GRIK2: variants seen among roughly 807,000 people sequenced by gnomAD.
GRIK2 encodes the protein glutamate receptor ionotropic, kainate 2.
In GRIK2, 32 loss-of-function variants were observed where a neutral mutation model predicts 100.3. That is an observed-to-expected ratio of 0.32 (90% CI 0.24 to 0.43). GRIK2 has a LOEUF of 0.43. GRIK2 is among the 20% of genes least tolerant of loss of function. The probability of loss-of-function intolerance (pLI) is 1.00; values close to 1 mark genes in which losing one functional copy is unlikely to be tolerated. For synonymous variants in GRIK2, 417 were observed against 389.4 expected (o/e 1.07, Z -0.83); for missense variants, 843 against 1,114.9 (o/e 0.76, Z 3.47).
intron 2 of GRIK2, among the ~76,000 whole-genome samples, chr6:101,613,887 G>T (rs564570019): frequency 6.6e-6 from 1 of 151,780 alleles, no homozygotes; most frequent in Non-Finnish European, 1.5e-5. Flanking sequence ...TTCAAATTCT[G>T]GAAGATAATC....
rs181468221 is a variant in GRIK2 at position 101,495,937 on chromosome 6, C to A, written c.115+96545C>A. Reference sequence around the variant, plus strand: ...GGATGTGTGCTGGTATTTTACATATCTGAATTTTTCTTTTCTTTTTTATTT... The same window carrying A: ...GGATGTGTGCTGGTATTTTACATATATGAATTTTTCTTTTCTTTTTTATTT... On this transcript the variant is annotated intron_variant, in intron 2 of 16. Transcript: ENST00000369134. Among the ~76,000 whole-genome samples, 5 of 151,766 alleles carry A rather than the reference C, an allele frequency of 3.3e-5. No homozygotes were observed. The East Asian group carries it at 9.7e-4, about 29-fold the overall frequency.
chr6:101,417,701 C>A (rs1328678749), intron 2 of GRIK2, among the ~76,000 whole-genome samples: 3 of 152,104 alleles, frequency 2.0e-5, no homozygotes, highest in African/African-American at 7.2e-5. Flanking sequence ...GTTATGAGAA[C>A]CCAACCAGTT....
chr6:101,500,566 A>G (rs1277902882), intron 2 of GRIK2, among the ~76,000 whole-genome samples: 2 of 152,088 alleles, frequency 1.3e-5, no homozygotes, highest in African/African-American at 2.4e-5. Flanking sequence ...TCGGTCTCTA[A>G]TTATTAATAA....
intron 14 of GRIK2, among the ~76,000 whole-genome samples, chr6:101,945,068 C>G (rs1238841643): frequency 6.6e-6 from 1 of 152,006 alleles, no homozygotes; most frequent in Non-Finnish European, 1.5e-5. Flanking sequence ...CAAGTTTTAC[C>G]AACATGTTGT....
intron 7 of GRIK2, among the ~76,000 whole-genome samples, chr6:101,740,590 T>A (rs1181774284): frequency 6.6e-6 from 1 of 152,196 alleles, no homozygotes; most frequent in Admixed American, 6.5e-5. Flanking sequence ...CGTATTAGTC[T>A]GTTTTGTGTT....
intron 10 of GRIK2, among the ~76,000 whole-genome samples, chr6:101,847,274 G>C (rs184356981): frequency 1.1e-3 from 161 of 152,018 alleles, no homozygotes; most frequent in African/African-American, 3.8e-3. Context: ...CTCAAGGCCA[G>C]TTTCTATTAA....
chr6:101,686,142 C>T (rs781545120), intron 6 of GRIK2, 38 bp from the exon 7 acceptor site: 1 of 1,556,308 alleles, frequency 6.4e-7, no homozygotes, highest in Non-Finnish European at 8.8e-7. Context: ...TGAAGATACT[C>T]TGTCCATAAT....
chr6:101,778,725 T>C (rs1018989390), intron 7 of GRIK2, among the ~76,000 whole-genome samples: 3 of 152,204 alleles, frequency 2.0e-5, no homozygotes, highest in Non-Finnish European at 4.4e-5. Context: ...TCTGTATTTG[T>C]ACATAGTTTG....
intron 2 of GRIK2, among the ~76,000 whole-genome samples, chr6:101,485,358 T>C (rs1272637529): frequency 6.6e-6 from 1 of 152,178 alleles, no homozygotes; most frequent in Non-Finnish European, 1.5e-5. Flanking sequence ...TTCTTTTGCA[T>C]TGCATTATAA....
rs1339263868 is a variant in GRIK2 at position 101,605,539 on chromosome 6, A to G, written c.116-16410A>G. 2.6e-5 allele frequency among the ~76,000 whole-genome samples: 4 copies of G among 152,042 alleles called. No individual in the cohort carries two copies. The East Asian group carries it at 5.8e-4, about 22-fold the overall frequency. On this transcript the variant is annotated intron_variant, in intron 2 of 16. Transcript: ENST00000369134. Reference sequence around the variant, plus strand: ...GGTATTTAAAATAAAAAAAGCTTAAATGATTATATTTTAAATTGCTACATG... The same window carrying G: ...GGTATTTAAAATAAAAAAAGCTTAAGTGATTATATTTTAAATTGCTACATG...
intron 14 of GRIK2, among the ~76,000 whole-genome samples, chr6:101,955,939 G>A (rs144428573): frequency 7.0e-4 from 106 of 151,626 alleles, no homozygotes; most frequent in Non-Finnish European, 1.2e-3. Flanking sequence ...TGCTTTATTC[G>A]AGTGTACTTT....
intron 4 of GRIK2, among the ~76,000 whole-genome samples, chr6:101,637,833 A>T (rs1781096548): frequency 6.6e-6 from 1 of 152,032 alleles, no homozygotes; most frequent in Admixed American, 6.6e-5. Flanking sequence ...GCTCTCTCTT[A>T]CCAAGCATGC....
intron 2 of GRIK2, among the ~76,000 whole-genome samples, chr6:101,553,286 T>C (rs1174298274): frequency 1.3e-5 from 2 of 152,116 alleles, no homozygotes; most frequent in Non-Finnish European, 2.9e-5. Context: ...AATTAAAAGG[T>C]TAGGGTGTAT....
chr6:101,928,919 A>C (rs1466870514), intron 14 of GRIK2, among the ~76,000 whole-genome samples: 6 of 152,198 alleles, frequency 3.9e-5, no homozygotes, highest in Non-Finnish European at 8.8e-5. Flanking sequence ...TTTCTTTTTG[A>C]ATAAAACAAA....
chr6:101,928,426 A>T lies in GRIK2; in HGVS notation c.1879A>T (p.Met627Leu), dbSNP rs1287273904. Residue 627 changes from methionine (M) to leucine (L), a missense_variant, in exon 14 of 17, where the codon ATG becomes TTG. By Grantham distance (15) the Met-to-Leu change is conservative (BLOSUM62 2). Coordinates refer to ENST00000369134, the MANE Select transcript of GRIK2 (RefSeq NM_021956.5). ...GALMQQGSELMPKALSTRIVG... is the reference protein window; with the variant it reads ...GALMQQGSELLPKALSTRIVG... ...CCACTCTCTGTTAGGTTCTGAGCTC[A>T]TGCCCAAAGCACTGTCCACCAGGAT... 2 of 1,578,748 alleles carry T rather than the reference A, an allele frequency of 1.3e-6. No homozygotes were observed. The highest frequency in any genetic ancestry group is 2.2e-5 in the South Asian group (2 of 90,448).
chr6:101,743,261 G>A (rs949609207), intron 7 of GRIK2, among the ~76,000 whole-genome samples: 50 of 152,132 alleles, frequency 3.3e-4, no homozygotes, highest in African/African-American at 1.2e-3. Context: ...ACACCTCAGC[G>A]ATGTTATAAG....
chr6:101,978,857 C>T (rs966609228), intron 14 of GRIK2, among the ~76,000 whole-genome samples: 1 of 151,918 alleles, frequency 6.6e-6, no homozygotes, highest in Non-Finnish European at 1.5e-5. Context: ...GCAGCATAAG[C>T]TGCTGTCTCT....
At chr6:101,746,025 C>A (rs574172691) in intron 7 of GRIK2, among the ~76,000 whole-genome samples, 1 of 152,180 alleles carries the variant, frequency 6.6e-6, no homozygotes, top group African/African-American at 2.4e-5. Flanking sequence ...AACTTCACCA[C>A]GAGTTTTTCC....
At chr6:101,632,660 A>G (rs979179505) in intron 4 of GRIK2, among the ~76,000 whole-genome samples, 2 of 152,148 alleles carry the variant, frequency 1.3e-5, no homozygotes, top group African/African-American at 4.8e-5. Context: ...ATACATATAT[A>G]TGTATTCTTA....
Sources: gnomAD v4.1 joint callset for allele counts (sites outside exome capture counted in the v4.1 genomes callset) on GRCh38, gnomAD v4.1.1 for gene constraint, MANE v1.5 for transcripts, NCBI Gene and HGNC (gene_info 2026-07-23, HGNC 2026-07-21) for gene names.